RAB11FIP3: variants seen among roughly 807,000 people sequenced by gnomAD.
The protein encoded by RAB11FIP3 is rab11 family-interacting protein 3.
Under a neutral mutation model 77.8 loss-of-function variants are expected in RAB11FIP3, and 17 were observed. The observed-to-expected ratio is 0.22, with a 90% confidence interval of 0.15 to 0.33. The LOEUF (loss-of-function observed/expected upper bound fraction) is 0.33, where lower values mean the gene tolerates loss of function less well. Ranked by LOEUF, RAB11FIP3 falls within the 10% of genes least tolerant of loss-of-function variation. The pLI is 1.00. For missense variants in RAB11FIP3, 1,005 were observed against 1,011.2 expected (o/e 0.99, Z 0.08); for synonymous variants, 437 against 448.2 (o/e 0.98, Z 0.31).
rs1410168067 is a variant in RAB11FIP3 at position 452,838 on chromosome 16, T to C, written c.715-8566T>C. ...TGAGCGATCTTGGCTCACTGCAAGCTCCACCTCCCGGGTTCAAGTGATTCT... is the reference window on the plus strand; with the variant it reads ...TGAGCGATCTTGGCTCACTGCAAGCCCCACCTCCCGGGTTCAAGTGATTCT... On this transcript the variant is annotated intron_variant, in intron 1 of 13. Coordinates refer to ENST00000262305, the MANE Select transcript of RAB11FIP3 (RefSeq NM_014700.4). 2.8e-5 allele frequency among the ~76,000 whole-genome samples: 2 copies of C among 71,536 alleles called. 1 individual carries two copies. Among genetic ancestry groups the C allele is most frequent in the African/African-American group, 1.3e-4 (2 of 15,788 alleles). 46.9% of individuals were successfully genotyped at this position (71,536 alleles called of 152,430 possible). A position where few individuals can be genotyped will look rare whatever the true frequency, so the allele number is the denominator to read the frequency against.
intron 1 of RAB11FIP3, among the ~76,000 whole-genome samples, chr16:444,791 C>T (rs2055283029): frequency 2.6e-5 from 4 of 151,560 alleles, no homozygotes; most frequent in Admixed American, 2.6e-4. Flanking sequence ...TCGAGACCAG[C>T]CTGGCCAACA....
Position 428,107 on chromosome 16 carries a change from A to AG in RAB11FIP3, c.714+1387_714+1388insG, listed in dbSNP as rs1567350310. 1.3e-5 allele frequency among the ~76,000 whole-genome samples: 2 copies of AG among 151,746 alleles called. 1 individual carries two copies. Among genetic ancestry groups the AG allele is most frequent in the Non-Finnish European group, 2.9e-5 (2 of 67,962 alleles). On this transcript the variant is annotated intron_variant, in intron 1 of 13. Transcript: ENST00000262305. ...CAGAGCGAGACTTCGTCTCAAAAAA[A>AG]AAAAACAGCAACAAAACAAAAAACA... is the stretch of plus-strand genomic sequence containing the variant.
chr16:452,352 AAAG>A (rs993131187), intron 1 of RAB11FIP3: 1 of 152,120 alleles, frequency 6.6e-6, no homozygotes, highest in African/African-American at 2.4e-5. Flanking sequence ...GAAACAAAAA[AAAG>A]CCACAAAGAA....
chr16:496,039 C>T (rs957717772), intron 5 of RAB11FIP3, among the ~76,000 whole-genome samples: 1 of 152,296 alleles, frequency 6.6e-6, no homozygotes, highest in Non-Finnish European at 1.5e-5. Context: ...CATGAGCCAC[C>T]ACGCCCGGCC....
At position 482,527 on chromosome 16, in the gene RAB11FIP3, C is replaced by T. The variant is rs770871738; in HGVS notation, c.906C>T (p.Ala302=). The T allele has an allele frequency of 3.7e-6, 6 of 1,613,362 alleles. No individual in the cohort carries two copies. In the African/African-American group the frequency reaches 4.0e-5, roughly 11 times the overall value. ...ACTGCTGGCGCACTCTCTCCTAGGC[C>T]AACGAGGTGACGGACAGCGCGTACA... ...DEFDDFVTYE[A]NEVTDSAYMG... The change falls in exon 4 of 14, where the codon GCC becomes GCT. Residue 302 remains alanine (A), a splice_region_variant and synonymous_variant. Coordinates refer to ENST00000262305, the MANE Select transcript of RAB11FIP3 (RefSeq NM_014700.4).
At chr16:520,343 G>C (rs575634428) in intron 12 of RAB11FIP3, 66 bp downstream of exon 12, 174 of 1,568,482 alleles carry the variant, frequency 1.1e-4, no homozygotes, top group East Asian at 5.9e-4. Context: ...GGTTGGGAAG[G>C]GGGGGCCGTG....
chr16:430,365 T>C (rs1270662610), intron 1 of RAB11FIP3, among the ~76,000 whole-genome samples: 1 of 152,038 alleles, frequency 6.6e-6, no homozygotes, highest in Non-Finnish European at 1.5e-5. Context: ...ACTTAAGCAG[T>C]TGCGTTTTAA....
At chr16:466,327 C>G (rs898299250) in intron 2 of RAB11FIP3, among the ~76,000 whole-genome samples, 4 of 152,164 alleles carry the variant, frequency 2.6e-5, no homozygotes, top group African/African-American at 7.2e-5. Context: ...GCAGTGGCCC[C>G]GGGTACCATG....
At chr16:492,904 C>G (rs187740620) in intron 5 of RAB11FIP3, among the ~76,000 whole-genome samples, 5 of 152,220 alleles carry the variant, frequency 3.3e-5, no homozygotes, top group Non-Finnish European at 5.9e-5. Flanking sequence ...GTACAACTAG[C>G]AAGTCCTGTG....
At chr16:465,756 C>T (rs955415080) in intron 2 of RAB11FIP3, among the ~76,000 whole-genome samples, 6 of 152,220 alleles carry the variant, frequency 3.9e-5, no homozygotes, top group East Asian at 3.9e-4. Context: ...ACCACAGGCT[C>T]GCGCTGCCAC....
intron 5 of RAB11FIP3, among the ~76,000 whole-genome samples, chr16:493,638 G>A (rs910518306): frequency 2.9e-4 from 44 of 152,082 alleles, no homozygotes; most frequent in Non-Finnish European, 1.8e-4. Flanking sequence ...ACAGAGTCTC[G>A]CTTTGTGACC....
chr16:488,115 T>A (rs1016592407), intron 4 of RAB11FIP3, among the ~76,000 whole-genome samples: 1 of 152,144 alleles, frequency 6.6e-6, no homozygotes, highest in Non-Finnish European at 1.5e-5. Flanking sequence ...GCGTGGTGGC[T>A]CACGCCTGTA....
intron 1 of RAB11FIP3, among the ~76,000 whole-genome samples, chr16:454,400 GAT>G (rs2055461523): frequency 6.6e-6 from 1 of 152,048 alleles, no homozygotes; most frequent in African/African-American, 2.4e-5. Flanking sequence ...AACATAGCGA[GAT>G]CGCCTCCCTA....
chr16:453,713 C>T (rs1284781774), intron 1 of RAB11FIP3, among the ~76,000 whole-genome samples: 1 of 151,460 alleles, frequency 6.6e-6, no homozygotes, highest in East Asian at 2.0e-4. Flanking sequence ...GCCTCAGCCT[C>T]CCCAGTAGCT....
At chr16:468,459 A>G (rs930547080) in intron 2 of RAB11FIP3, among the ~76,000 whole-genome samples, 1 of 152,064 alleles carries the variant, frequency 6.6e-6, no homozygotes, top group African/African-American at 2.4e-5. Context: ...GTCGAAGATG[A>G]TTTTGGAATT....
At chr16:496,960 T>G in intron 6 of RAB11FIP3, 101 bp downstream of exon 6, 1 of 1,330,516 alleles carries the variant, frequency 7.5e-7, no homozygotes. Context: ...AAGGTATTTT[T>G]TAAACTCTTG....
intron 4 of RAB11FIP3, among the ~76,000 whole-genome samples, chr16:482,965 C>T (rs1214060597): frequency 1.6e-5 from 2 of 123,356 alleles, no homozygotes; most frequent in Non-Finnish European, 2.0e-5. Context: ...CCTGTCAGGA[C>T]GACTGTGGTT....
chr16:489,026 C>T, intron 5 of RAB11FIP3, 26 bp downstream of exon 5: 2 of 1,603,060 alleles, frequency 1.2e-6, no homozygotes, highest in Non-Finnish European at 1.7e-6. Flanking sequence ...TCCAGCACAC[C>T]CTCCTCCCTC....
At chr16:458,936 CCA>C (rs2055556202) in intron 1 of RAB11FIP3, among the ~76,000 whole-genome samples, 1 of 152,118 alleles carries the variant, frequency 6.6e-6, no homozygotes, top group Admixed American at 6.5e-5. Context: ...GTACCCATCC[CCA>C]GTCACAGCAA....
Sources: allele counts gnomAD v4.1 joint callset (sites outside exome capture counted in the v4.1 genomes callset), GRCh38; gene constraint gnomAD v4.1.1; transcripts MANE v1.5; gene names NCBI Gene and HGNC (gene_info 2026-07-23, HGNC 2026-07-21).